The following PALLD variants were observed in gnomAD, a reference collection of about 807,000 sequenced individuals.
PALLD encodes the protein palladin, cytoskeletal associated protein.
PALLD carries 61 observed loss-of-function variants against 123.5 expected under a neutral mutation model. The observed-to-expected ratio is 0.49, with a 90% CI of 0.40 to 0.61. The LOEUF (loss-of-function observed/expected upper bound fraction) is 0.61, where lower values mean the gene tolerates loss of function less well. Ranked by LOEUF, PALLD falls within the 20% of genes least tolerant of loss-of-function variation. The pLI is 0.00. For missense variants in PALLD, 1,273 were observed against 1,377.0 expected (o/e 0.92, Z 1.20); for synonymous variants, 465 against 496.4 (o/e 0.94, Z 0.84).
At chr4:168,509,460 C>A (rs1414644532) in intron 1 of PALLD, among the ~76,000 whole-genome samples, 1 of 152,074 alleles carries the variant, frequency 6.6e-6, no homozygotes, top group Non-Finnish European at 1.5e-5. Flanking sequence ...CTGCCTGTTT[C>A]TCATGAAGAA....
At chr4:168,518,504 T>A (rs534973560) in intron 2 of PALLD, among the ~76,000 whole-genome samples, 1 of 152,252 alleles carries the variant, frequency 6.6e-6, no homozygotes, top group African/African-American at 2.4e-5. Context: ...CACAGTGGGG[T>A]TCTTGGCTGC....
chr4:168,637,977 A>C (rs906829067), intron 2 of PALLD, among the ~76,000 whole-genome samples: 3 of 147,358 alleles, frequency 2.0e-5, no homozygotes, highest in African/African-American at 7.5e-5. Flanking sequence ...AATTCTGAGG[A>C]TCAAATGGGG....
chr4:168,708,305 C>G (rs1041293400), intron 8 of PALLD, among the ~76,000 whole-genome samples: 1 of 152,070 alleles, frequency 6.6e-6, no homozygotes, highest in Non-Finnish European at 1.5e-5. Flanking sequence ...TCACAATAAC[C>G]GTGTGGTGGT....
At chr4:168,508,118 T>C (rs79507202) in intron 1 of PALLD, among the ~76,000 whole-genome samples, 3 of 152,160 alleles carry the variant, frequency 2.0e-5, no homozygotes, top group African/African-American at 4.8e-5. Flanking sequence ...TACTCTATAG[T>C]TTCAAATGGC....
At chr4:168,734,989 T>C (rs116420821) in intron 10 of PALLD, among the ~76,000 whole-genome samples, 1,960 of 152,198 alleles carry the variant, frequency 0.013, 42 homozygotes, top group African/African-American at 0.044. Context: ...AGTAGTGTAG[T>C]AAGGATGGCA....
chr4:168,697,954 T>C (rs1306453415), intron 8 of PALLD, among the ~76,000 whole-genome samples: 1 of 152,120 alleles, frequency 6.6e-6, no homozygotes, highest in East Asian at 1.9e-4. Flanking sequence ...ATAGTTAAGA[T>C]TTGGAAGCAA....
intron 10 of PALLD, among the ~76,000 whole-genome samples, chr4:168,774,165 A>G (rs1581403453): frequency 6.6e-6 from 1 of 151,874 alleles, no homozygotes; most frequent in East Asian, 1.9e-4. Context: ...TATAATTTGT[A>G]TATATAATGA....
rs548710767 is a variant in PALLD, at chr4:168,572,450, G to T, written c.908+60038G>T. ...CCCTCCAAGGGCCAAGATTCTAACT[G>T]CTTTTTCACAGCGGTAGAAAAATAT... On this transcript the variant is annotated intron_variant, in intron 2 of 21. Transcript: ENST00000505667. 2.0e-4 allele frequency among the ~76,000 whole-genome samples: 30 copies of T among 152,188 alleles called. No individual in the cohort carries two copies. The East Asian group carries it at 5.4e-3, about 28-fold the overall frequency.
chr4:168,628,383 A>G (rs1775502118), intron 2 of PALLD, among the ~76,000 whole-genome samples: 1 of 152,156 alleles, frequency 6.6e-6, no homozygotes, highest in Non-Finnish European at 1.5e-5. Flanking sequence ...AAGTCCTGAA[A>G]TACTTACACT....
chr4:168,611,166 T>G (rs1244117164), intron 2 of PALLD, among the ~76,000 whole-genome samples: 1 of 152,134 alleles, frequency 6.6e-6, no homozygotes, highest in African/African-American at 2.4e-5. Flanking sequence ...AGTTGTTTTC[T>G]GGTTCTGGGG....
At chr4:168,765,339 A>T (rs1054756217) in intron 10 of PALLD, among the ~76,000 whole-genome samples, 5 of 152,204 alleles carry the variant, frequency 3.3e-5, no homozygotes, top group African/African-American at 1.2e-4. Flanking sequence ...TGAGAGACAG[A>T]GAGCGTGGCC....
chr4:168,697,931 A>G (rs1380396668), intron 8 of PALLD, among the ~76,000 whole-genome samples: 2 of 152,222 alleles, frequency 1.3e-5, no homozygotes, highest in Non-Finnish European at 2.9e-5. Context: ...TGTTTGTTGC[A>G]GCACTATTCA....
At chr4:168,706,212 G>A (rs1370679356) in intron 8 of PALLD, among the ~76,000 whole-genome samples, 2 of 152,072 alleles carry the variant, frequency 1.3e-5, no homozygotes, top group Non-Finnish European at 2.9e-5. Context: ...CTGCTTCTAA[G>A]AGTATGACTA....
At chr4:168,586,334 A>C (rs1770819343) in intron 2 of PALLD, among the ~76,000 whole-genome samples, 1 of 152,096 alleles carries the variant, frequency 6.6e-6, no homozygotes, top group African/African-American at 2.4e-5. Flanking sequence ...CCTTCTTAAG[A>C]ATATAGAGAA....
intron 15 of PALLD, among the ~76,000 whole-genome samples, chr4:168,912,081 T>G (rs1437886200): frequency 6.6e-6 from 1 of 152,084 alleles, no homozygotes; most frequent in Admixed American, 6.6e-5. Flanking sequence ...CAGTGAATCT[T>G]GCTATGGGAT....
intron 10 of PALLD, among the ~76,000 whole-genome samples, chr4:168,808,916 C>T (rs527427941): frequency 1.1e-4 from 16 of 152,298 alleles, no homozygotes; most frequent in Admixed American, 8.5e-4. Context: ...GGTGGGGACA[C>T]AGCCAAACCA....
chr4:168,833,236 G>A (rs1004591362), intron 10 of PALLD, among the ~76,000 whole-genome samples: 4 of 152,084 alleles, frequency 2.6e-5, no homozygotes, highest in African/African-American at 9.7e-5. Context: ...GGAAGGGGGC[G>A]CGCTGGGCAG....
chr4:168,812,626 G>T (rs1240771759), intron 10 of PALLD, among the ~76,000 whole-genome samples: 1 of 152,176 alleles, frequency 6.6e-6, no homozygotes, highest in East Asian at 1.9e-4. Flanking sequence ...AGTTTGCAAA[G>T]ATTTTCCATC....
chr4:168,793,220 T>C (rs1162583491), intron 10 of PALLD, among the ~76,000 whole-genome samples: 3 of 45,636 alleles, frequency 6.6e-5, no homozygotes, highest in East Asian at 7.1e-4. Context: ...CATATATATG[T>C]GTGCATATAT....
Sources: gnomAD v4.1 joint callset for allele counts (sites outside exome capture counted in the v4.1 genomes callset) on GRCh38, gnomAD v4.1.1 for gene constraint, MANE v1.5 for transcripts, NCBI Gene and HGNC (gene_info 2026-07-23, HGNC 2026-07-21) for gene names.